DHX32: variants seen among roughly 807,000 people sequenced by gnomAD.
DHX32 encodes the protein putative pre-mRNA-splicing factor ATP-dependent RNA helicase DHX32.
Under a neutral mutation model 70.0 loss-of-function variants are expected in DHX32, and 51 were observed. The observed-to-expected ratio is 0.73, with a 90% confidence interval of 0.58 to 0.92. DHX32 has a LOEUF of 0.92. Among genes scored for constraint, DHX32 ranks in the 40% least tolerant of loss-of-function variants. The pLI is 0.00. For missense variants in DHX32, 762 were observed against 891.8 expected (o/e 0.85, Z 1.85); for synonymous variants, 310 against 315.3 (o/e 0.98, Z 0.18).
chr10:125,842,416 C>G (rs1854906806), intron 6 of DHX32: 1 of 153,258 alleles, frequency 6.5e-6, no homozygotes, highest in Non-Finnish European at 1.5e-5. Flanking sequence ...TTAGAAGGAA[C>G]AGTGGTGCTG....
intron 1 of DHX32, among the ~76,000 whole-genome samples, chr10:125,874,288 C>T (rs1194152223): frequency 1.3e-5 from 2 of 152,302 alleles, no homozygotes; most frequent in Admixed American, 6.5e-5. Context: ...CCAAAAGAAA[C>T]CAACCAATGC....
At chr10:125,869,791 G>A (rs1944245238) in intron 1 of DHX32, among the ~76,000 whole-genome samples, 1 of 152,058 alleles carries the variant, frequency 6.6e-6, no homozygotes, top group Non-Finnish European at 1.5e-5. Flanking sequence ...CGTGTGGTTT[G>A]CATTTGTTCC....
intron 3 of DHX32, among the ~76,000 whole-genome samples, chr10:125,857,901 T>C (rs1944158828): frequency 7.6e-6 from 1 of 131,354 alleles, no homozygotes; most frequent in Non-Finnish European, 1.5e-5. Context: ...TAATTTTTCA[T>C]TTTTTTTTTT....
chr10:125,853,745 A>G (rs912197293), intron 4 of DHX32: 26 of 519,230 alleles, frequency 5.0e-5, no homozygotes, highest in Non-Finnish European at 7.9e-5. Flanking sequence ...TGGCAGCTCA[A>G]TCAATTTAAT....
At chr10:125,839,263 C>G in intron 8 of DHX32, 75 bp from the exon 9 acceptor site, 10 of 1,483,946 alleles carry the variant, frequency 6.7e-6, no homozygotes, top group East Asian at 2.3e-5. Flanking sequence ...CAGGCAGTTG[C>G]CATCTTTAAG....
intron 10 of DHX32, among the ~76,000 whole-genome samples, chr10:125,837,613 C>T (rs1051150696): frequency 6.6e-6 from 1 of 152,016 alleles, no homozygotes; most frequent in African/African-American, 2.4e-5. Context: ...TTTGTAGAGA[C>T]GGGGTCTTGC....
At chr10:125,855,346 A>G (rs1414733250) in intron 3 of DHX32, among the ~76,000 whole-genome samples, 1 of 152,168 alleles carries the variant, frequency 6.6e-6, no homozygotes, top group African/African-American at 2.4e-5. Context: ...GAGTCCATCA[A>G]GCAAGCTTCT....
chr10:125,860,191 TGGACTGCCCCCTACAAAGA>T (rs1233260851), intron 2 of DHX32, among the ~76,000 whole-genome samples: 1 of 152,156 alleles, frequency 6.6e-6, no homozygotes, highest in Non-Finnish European at 1.5e-5. Flanking sequence ...TATATGTTCA[TGGACTGCCCCCTACAAAGA>T]CCATTCTGAA....
chr10:125,864,547 CAT>C (rs1201815571), intron 2 of DHX32, among the ~76,000 whole-genome samples: 7 of 152,142 alleles, frequency 4.6e-5, no homozygotes, highest in African/African-American at 1.2e-4. Context: ...CTAAGCCTAA[CAT>C]GTGATAGATG....
chr10:125,861,087 T>C (rs527870935), intron 2 of DHX32, among the ~76,000 whole-genome samples: 59 of 152,186 alleles, frequency 3.9e-4, no homozygotes, highest in Non-Finnish European at 6.8e-4. Flanking sequence ...TTAAGGTATT[T>C]ACTTTTATTT....
chr10:125,851,661 T>C (rs1404656440), intron 6 of DHX32, among the ~76,000 whole-genome samples: 2 of 152,134 alleles, frequency 1.3e-5, no homozygotes, highest in Admixed American at 6.5e-5. Context: ...CCCCAAAATA[T>C]ACTTCTCTGG....
chr10:125,850,726 G>C (rs1411740221), intron 6 of DHX32, among the ~76,000 whole-genome samples: 1 of 152,162 alleles, frequency 6.6e-6, no homozygotes, highest in African/African-American at 2.4e-5. Flanking sequence ...ATGCCTGTTT[G>C]TGTTTGGGTT....
At chr10:125,850,267 C>A (rs1215361762) in intron 6 of DHX32, among the ~76,000 whole-genome samples, 1 of 151,760 alleles carries the variant, frequency 6.6e-6, no homozygotes, top group East Asian at 1.9e-4. Context: ...TGTGAGCCAC[C>A]ATGCCCAGCC....
chr10:125,842,898 A>C, intron 6 of DHX32: 1 of 494,466 alleles, frequency 2.0e-6, no homozygotes, highest in South Asian at 8.8e-5. Context: ...AGTTTTTAAA[A>C]ATCCATTTAT....
At chr10:125,854,308 A>G in intron 3 of DHX32, 105 bp from the exon 4 acceptor site, 1 of 1,178,254 alleles carries the variant, frequency 8.5e-7, no homozygotes, top group Non-Finnish European at 1.1e-6. Context: ...CGTAACAGAT[A>G]CAGGGAAAGA....
intron 1 of DHX32, among the ~76,000 whole-genome samples, chr10:125,891,466 A>G (rs1944370812): frequency 6.6e-6 from 1 of 152,292 alleles, no homozygotes; most frequent in Non-Finnish European, 1.5e-5. Context: ...AGCCACAGGC[A>G]CAGTGGCTCA....
At chr10:125,877,334 T>A (rs563436902) in intron 1 of DHX32, among the ~76,000 whole-genome samples, 1 of 152,252 alleles carries the variant, frequency 6.6e-6, no homozygotes, top group East Asian at 1.9e-4. Context: ...CTGGCAGCTG[T>A]AAATCAGATA....
intron 1 of DHX32, 58 bp from the exon 2 acceptor site, chr10:125,867,241 T>C (rs1158556029): frequency 2.1e-6 from 3 of 1,418,378 alleles, no homozygotes; most frequent in Non-Finnish European, 2.9e-6. Context: ...ACAAGAGACA[T>C]CTCTGTCTTA....
At chr10:125,864,513 T>C (rs1944207453) in intron 2 of DHX32, among the ~76,000 whole-genome samples, 1 of 152,210 alleles carries the variant, frequency 6.6e-6, no homozygotes, top group Non-Finnish European at 1.5e-5. Context: ...AATTGAATGC[T>C]TGGGTTTTTA....
Sources: allele counts gnomAD v4.1 joint callset (sites outside exome capture counted in the v4.1 genomes callset), GRCh38; gene constraint gnomAD v4.1.1; transcripts MANE v1.5; gene names NCBI Gene and HGNC (gene_info 2026-07-23, HGNC 2026-07-21).